XPR1: variants seen among roughly 807,000 people sequenced by gnomAD.
XPR1 encodes the protein xenotropic and polytropic retrovirus receptor 1.
In XPR1, 28 loss-of-function variants were observed where a neutral mutation model predicts 87.5. The ratio of observed to expected loss-of-function variants is 0.32; its 90% CI spans 0.24 to 0.44. XPR1 has a LOEUF of 0.44. Ranked by LOEUF, XPR1 falls within the 20% of genes least tolerant of loss-of-function variation. The pLI, the probability that XPR1 is intolerant of heterozygous loss-of-function variation, is 1.00. For missense variants in XPR1, 559 were observed against 862.3 expected, an observed-to-expected ratio of 0.65 and a Z score of 4.41; for synonymous variants, 300 against 306.1, an observed-to-expected ratio of 0.98 and a Z score of 0.21.
intron 1 of XPR1, 57 bp from the exon 2 acceptor site, chr1:180,682,303 C>A: frequency 7.3e-7 from 1 of 1,367,540 alleles, no homozygotes; most frequent in Non-Finnish European, 1.0e-6. Context: ...GCTTCAGATA[C>A]ATTCAGTATA....
intron 2 of XPR1, among the ~76,000 whole-genome samples, chr1:180,718,542 A>G (rs141923991): frequency 3.3e-5 from 5 of 152,310 alleles, no homozygotes; most frequent in African/African-American, 9.6e-5. Flanking sequence ...GAAGAGGACT[A>G]GATCAGTGAT....
chr1:180,858,491 C>T (rs1218891493), intron 11 of XPR1, among the ~76,000 whole-genome samples: 3 of 151,870 alleles, frequency 2.0e-5, no homozygotes, highest in Non-Finnish European at 2.9e-5. Flanking sequence ...CTACTTTTTT[C>T]GTTTTAAAGT....
intron 2 of XPR1, among the ~76,000 whole-genome samples, chr1:180,686,040 G>C (rs987143245): frequency 9.9e-5 from 15 of 152,086 alleles, no homozygotes; most frequent in Non-Finnish European, 2.1e-4. Context: ...TTTTGAATGT[G>C]TTTGCTCTTG....
chr1:180,644,991 A>G (rs1420809388), intron 1 of XPR1, among the ~76,000 whole-genome samples: 1 of 152,086 alleles, frequency 6.6e-6, no homozygotes, highest in Non-Finnish European at 1.5e-5. Flanking sequence ...GGTTGCTGTC[A>G]TTGCAGAAAA....
At chr1:180,696,069 A>C (rs1207858592) in intron 2 of XPR1, among the ~76,000 whole-genome samples, 3 of 150,696 alleles carry the variant, frequency 2.0e-5, no homozygotes, top group Non-Finnish European at 4.4e-5. Context: ...TGAGCATGGG[A>C]TATCTTTCTG....
rs73034720 is a variant in XPR1, at chr1:180,824,076, A to G, written c.764-677A>G. 3.9e-3 allele frequency among the ~76,000 whole-genome samples: 588 copies of G among 152,334 alleles called. 9 individuals carry two copies. The highest frequency in any genetic ancestry group is 0.013 in the African/African-American group (559 of 41,576). On this transcript the variant is annotated intron_variant, in intron 7 of 14. Transcript: ENST00000367590. ...GTTTAATAATGGAGTAAATGAAGCC[A>G]AAGAGAGGTTTTGTCATGCCGGATC...
chr1:180,832,348 A>T (rs1381482723), intron 9 of XPR1, among the ~76,000 whole-genome samples: 1 of 151,986 alleles, frequency 6.6e-6, no homozygotes, highest in Admixed American at 6.6e-5. Context: ...TTGCCTGTTC[A>T]CTCTGCTGAT....
intron 2 of XPR1, among the ~76,000 whole-genome samples, chr1:180,764,171 C>T (rs573188122): frequency 2.6e-5 from 4 of 152,298 alleles, no homozygotes; most frequent in African/African-American, 4.8e-5. Context: ...GAGCTAGTGA[C>T]ACCTTTGCTT....
chr1:180,706,295 A>G (rs1571747031), intron 2 of XPR1, among the ~76,000 whole-genome samples: 1 of 152,186 alleles, frequency 6.6e-6, no homozygotes, highest in Admixed American at 6.5e-5. Context: ...TGAACTGATT[A>G]AGTCTAAGGA....
rs569513860 is a variant in XPR1 at position 180,782,846 on chromosome 1, CTT to C, written c.122-4906_122-4905del. 8.0e-4 allele frequency among the ~76,000 whole-genome samples: 122 copies of C among 151,944 alleles called. 2 individuals are homozygous for C. Among genetic ancestry groups the C allele is most frequent in the African/African-American group, 2.7e-3 (113 of 41,514 alleles). ...AAAATACAGTGATTTTTCTATAAAA[CTT>C]ATATTGATATTGGGGTGGGGAAAAC... On this transcript the variant is annotated intron_variant, in intron 2 of 14. Coordinates refer to ENST00000367590, the MANE Select transcript of XPR1 (RefSeq NM_004736.4).
intron 11 of XPR1, among the ~76,000 whole-genome samples, chr1:180,838,404 C>A (rs898061302): frequency 5.3e-5 from 8 of 151,964 alleles, no homozygotes; most frequent in African/African-American, 1.7e-4. Context: ...AAGTTCAAAC[C>A]CATATTGTTC....
chr1:180,720,712 C>T (rs905699359), intron 2 of XPR1, among the ~76,000 whole-genome samples: 16 of 152,082 alleles, frequency 1.1e-4, no homozygotes, highest in Non-Finnish European at 8.8e-5. Flanking sequence ...GCCTGGCTAT[C>T]GGTGTTTTAA....
At chr1:180,857,615 A>T (rs1333815807) in intron 11 of XPR1, among the ~76,000 whole-genome samples, 8 of 151,976 alleles carry the variant, frequency 5.3e-5, no homozygotes, top group African/African-American at 1.9e-4. Context: ...TGGCTTATTG[A>T]TTCCTTTTCT....
At chr1:180,717,094 G>T (rs1322926797) in intron 2 of XPR1, among the ~76,000 whole-genome samples, 3 of 152,162 alleles carry the variant, frequency 2.0e-5, no homozygotes, top group Non-Finnish European at 4.4e-5. Context: ...CTGGGTTCAA[G>T]CGATTCTTCT....
chr1:180,877,738 A>T (rs1191593215), intron 13 of XPR1, among the ~76,000 whole-genome samples: 1 of 151,950 alleles, frequency 6.6e-6, no homozygotes, highest in Admixed American at 6.6e-5. Flanking sequence ...TGAAATGCTT[A>T]TCTTAAAAAA....
chr1:180,736,118 G>A (rs747299328), intron 2 of XPR1, among the ~76,000 whole-genome samples: 1 of 152,200 alleles, frequency 6.6e-6, no homozygotes. Flanking sequence ...TGATGGGAAT[G>A]TAACATAATG....
chr1:180,719,579 T>C (rs1467538845), intron 2 of XPR1, among the ~76,000 whole-genome samples: 1 of 152,242 alleles, frequency 6.6e-6, no homozygotes, highest in Admixed American at 6.5e-5. Flanking sequence ...TGGTATTTTC[T>C]TTTTTCCGCC....
At chr1:180,633,926 G>A (rs1459192599) in intron 1 of XPR1, among the ~76,000 whole-genome samples, 3 of 152,122 alleles carry the variant, frequency 2.0e-5, no homozygotes, top group Admixed American at 6.5e-5. Flanking sequence ...GGAATGCTTT[G>A]GGCAGAAGTA....
At chr1:180,832,004 C>T (rs1205263023) in intron 9 of XPR1, among the ~76,000 whole-genome samples, 2 of 152,166 alleles carry the variant, frequency 1.3e-5, no homozygotes, top group African/African-American at 4.8e-5. Flanking sequence ...CTAATTTATA[C>T]TCCCACCAAC....
Sources: allele counts gnomAD v4.1 joint callset (sites outside exome capture counted in the v4.1 genomes callset), GRCh38; gene constraint gnomAD v4.1.1; transcripts MANE v1.5; gene names NCBI Gene and HGNC (gene_info 2026-07-23, HGNC 2026-07-21).